The following CRYZ variants were observed in gnomAD, a reference collection of about 807,000 sequenced individuals.
The protein encoded by CRYZ is crystallin zeta, also known as zeta-crystallin.
In CRYZ, 35 loss-of-function variants were observed where a neutral mutation model predicts 34.1. The observed-to-expected ratio is 1.03, with a 90% CI of 0.78 to 1.36. The LOEUF (loss-of-function observed/expected upper bound fraction) is 1.36, where lower values mean the gene tolerates loss of function less well. Among genes scored for constraint, CRYZ ranks in the 40% most tolerant of loss-of-function variants. The pLI is 0.00. For synonymous variants in CRYZ, 137 were observed against 136.5 expected (o/e 1.00, Z -0.03); for missense variants, 403 against 391.8 (o/e 1.03, Z -0.24).
At chr1:74,710,034 T>TA (rs1646980056) in intron 6 of CRYZ, 64 bp downstream of exon 6, 8 of 1,468,450 alleles carry the variant, frequency 5.4e-6, no homozygotes, top group Non-Finnish European at 6.5e-6. Flanking sequence ...AAAAACATAT[T>TA]AAAAAACCAC....
chr1:74,717,414 C>A (rs149644134), intron 4 of CRYZ, among the ~76,000 whole-genome samples: 2 of 152,240 alleles, frequency 1.3e-5, no homozygotes, highest in African/African-American at 4.8e-5. Context: ...CTAATGTCAC[C>A]AATGACCTCT....
rs748928286 is a variant in CRYZ at position 74,706,896 on chromosome 1, T to C, written c.828+3A>G. The C allele has an allele frequency of 3.9e-5, 63 of 1,610,796 alleles. 1 individual carries two copies. The Admixed American group carries it at 9.0e-4, about 23-fold the overall frequency. The stretch of plus-strand genomic sequence containing the variant: ...CCAAAATCAGAAGTACTTCTTTTCC[T>C]ACCTTGGTTGAGGAAAAGAGAGTAA... On this transcript the variant is annotated splice_donor_region_variant and intron_variant, in intron 8 of 8. Transcript: ENST00000340866.
chr1:74,727,122 T>C (rs1647385053), intron 1 of CRYZ, among the ~76,000 whole-genome samples: 1 of 151,568 alleles, frequency 6.6e-6, no homozygotes, highest in Admixed American at 6.6e-5. Flanking sequence ...CTCCAAACTG[T>C]TCCAATTGTT....
chr1:74,706,334 C>A lies in CRYZ; in HGVS notation c.952G>T (p.Gly318Cys). Residue 318 changes from glycine (G) to cysteine (C), a missense_variant, in exon 9 of 9, where the codon GGT (glycine) becomes TGT (cysteine). Transcript: ENST00000340866. ...ATCATTTTTCCAGTAGCCCCACTAC[C>A]ATGAATGATATTTTCATGAGCCTCG... ...VAEAHENIIH[G>C]SGATGKMILL... is the part of the protein sequence containing the mutation. The A allele has an allele frequency of 1.2e-6, 2 of 1,611,688 alleles. No homozygotes were observed. Among genetic ancestry groups the A allele is most frequent in the Non-Finnish European group, 1.7e-6 (2 of 1,178,926 alleles).
intron 4 of CRYZ, among the ~76,000 whole-genome samples, chr1:74,718,589 C>T (rs964177387): frequency 1.3e-5 from 2 of 152,026 alleles, no homozygotes; most frequent in Non-Finnish European, 2.9e-5. Context: ...ATAGCTGTTC[C>T]CACACACCAT....
intron 8 of CRYZ, 31 bp from the exon 9 acceptor site, chr1:74,706,488 T>C (rs565093618): frequency 1.3e-6 from 2 of 1,572,228 alleles, no homozygotes; most frequent in Non-Finnish European, 1.7e-6. Context: ...TTTCTTTTTG[T>C]AGTGAACCGT....
chr1:74,725,402 A>G (rs1647281452), intron 1 of CRYZ, among the ~76,000 whole-genome samples: 1 of 152,224 alleles, frequency 6.6e-6, no homozygotes, highest in Non-Finnish European at 1.5e-5. Context: ...GGTGGCAAAC[A>G]AGAGAGCTTG....
chr1:74,717,364 C>T (rs1156501199), intron 4 of CRYZ, among the ~76,000 whole-genome samples: 6 of 152,176 alleles, frequency 3.9e-5, no homozygotes, highest in African/African-American at 1.4e-4. Context: ...TCAATCCACT[C>T]AGTCAAGCTC....
chr1:74,707,177 T>G lies in CRYZ; in HGVS notation c.658A>C (p.Ile220Leu), dbSNP rs761793412. 3.8e-6 allele frequency: 6 copies of G among 1,571,764 alleles called. No individual in the cohort carries two copies. In the East Asian group the frequency reaches 1.3e-4, roughly 35 times the overall value. Residue 220 changes from isoleucine to leucine, a missense_variant, in exon 7 of 9, where the codon ATA becomes CTA. By Grantham distance (5) the Ile-to-Leu change is conservative. Coordinates refer to ENST00000340866, the MANE Select transcript of CRYZ (RefSeq NM_001889.4). ...ACATTAGCTAACATTTCAATAATTA[T>G]ATCAATTCCTTTCTCACCAACATAC... The part of the protein sequence containing the change: ...KKYVGEKGID[I>L]IIEMLANVNL...
intron 3 of CRYZ, 66 bp from the exon 4 acceptor site, chr1:74,719,438 C>G: frequency 7.1e-7 from 1 of 1,413,622 alleles, no homozygotes; most frequent in South Asian, 1.3e-5. Context: ...TAGGTATAAT[C>G]CTTTATAACA....
chr1:74,715,112 T>C (rs958096449), intron 4 of CRYZ, among the ~76,000 whole-genome samples: 10 of 152,342 alleles, frequency 6.6e-5, no homozygotes, highest in African/African-American at 2.2e-4. Flanking sequence ...TTCTTCTCCA[T>C]GTCTCTGAAC....
Position 74,707,138 on chromosome 1 carries a change from C to A in CRYZ, c.697G>T (p.Asp233Tyr), listed in dbSNP as rs148409091. ...EMLANVNLSK[D>Y]LSLLSHGGRV... ...CCTCCATGTGACAGAAGACTCAAGT[C>A]TTTACTAAGATTTACATTAGCTAAC... Residue 233 changes from aspartate to tyrosine, a missense_variant, in exon 7 of 9, where the codon GAC becomes TAC. Asp to Tyr is a radical substitution (Grantham distance 160). Transcript: ENST00000340866. 3 of 1,589,628 alleles carry A rather than the reference C, an allele frequency of 1.9e-6. No homozygotes were observed. Among genetic ancestry groups the A allele is most frequent in the African/African-American group, 1.4e-5 (1 of 73,356 alleles).
At chr1:74,732,860 A>G in intron 1 of CRYZ, 96 bp downstream of exon 1, 1 of 207,404 alleles carries the variant, frequency 4.8e-6, no homozygotes, top group Non-Finnish European at 9.7e-6. Context: ...GAGGGCAGGA[A>G]AGGGGTGCAG....
At chr1:74,729,121 T>C (rs1343264916) in intron 1 of CRYZ, among the ~76,000 whole-genome samples, 1 of 112,984 alleles carries the variant, frequency 8.9e-6, no homozygotes, top group Non-Finnish European at 1.8e-5. Flanking sequence ...AACATAGAGG[T>C]TGTTTTTGTT....
Position 74,710,221 on chromosome 1 carries a change from A to G in CRYZ, c.507T>C (p.Ala169=). The G allele has an allele frequency of 6.2e-7, 1 of 1,613,786 alleles. No individual in the cohort carries two copies. The highest frequency in any genetic ancestry group is 8.5e-7 in the Non-Finnish European group (1 of 1,179,812). The change falls in exon 6 of 9, where the codon GCT becomes GCC. Residue 169 remains alanine, a synonymous_variant. Coordinates refer to ENST00000340866, the MANE Select transcript of CRYZ (RefSeq NM_001889.4). ...CCAAAATCTTTAAGCCATAAGCTCT[A>G]GCAATTTGGCATGCTGCTAATCCAA... is the stretch of plus-strand genomic sequence containing the variant. ...GGVGLAACQI[A]RAYGLKILGT... is the part of the protein sequence containing the mutation.
chr1:74,719,202 T>G lies in CRYZ; in HGVS notation c.428+7A>C. On this transcript the variant is annotated splice_region_variant and intron_variant, in intron 4 of 8. Transcript: ENST00000340866. ...TTGGCCATAAAATTGACAGAATGTGTTATTACCTGTGGATCAGAGCTCGAT... is the reference window on the plus strand; with the variant it reads ...TTGGCCATAAAATTGACAGAATGTGGTATTACCTGTGGATCAGAGCTCGAT... The G allele has an allele frequency of 6.2e-7, 1 of 1,613,012 alleles. No individual in the cohort carries two copies. Among genetic ancestry groups the G allele is most frequent in the Non-Finnish European group, 8.5e-7 (1 of 1,179,134 alleles).
intron 7 of CRYZ, 38 bp downstream of exon 7, chr1:74,707,065 A>G (rs764225791): frequency 6.7e-7 from 1 of 1,492,784 alleles, no homozygotes; most frequent in East Asian, 2.4e-5. Context: ...GTAAAACATT[A>G]AAGTGGTAAA....
chr1:74,725,570 G>A (rs2100728533), intron 1 of CRYZ, among the ~76,000 whole-genome samples: 1 of 148,726 alleles, frequency 6.7e-6, no homozygotes, highest in Middle Eastern at 3.4e-3. Context: ...TTCAAGATGA[G>A]ATTTGGGTGG....
At chr1:74,731,789 CA>C (rs1233148544) in intron 1 of CRYZ, among the ~76,000 whole-genome samples, 7 of 152,196 alleles carry the variant, frequency 4.6e-5, no homozygotes, top group African/African-American at 1.7e-4. Flanking sequence ...ACAAGCATTC[CA>C]AACTTTAGCC....
Sources: gnomAD v4.1 joint callset for allele counts (sites outside exome capture counted in the v4.1 genomes callset) on GRCh38, gnomAD v4.1.1 for gene constraint, MANE v1.5 for transcripts, NCBI Gene and HGNC (gene_info 2026-07-23, HGNC 2026-07-21) for gene names.